The following CNN3 variants were observed in gnomAD, a reference collection of about 807,000 sequenced individuals.
The protein encoded by CNN3 is calponin-3.
Under a neutral mutation model 39.0 loss-of-function variants are expected in CNN3, and 11 were observed. That is an observed-to-expected ratio of 0.28 (90% CI 0.18 to 0.47). The LOEUF is 0.47. Among genes scored for constraint, CNN3 ranks in the 20% least tolerant of loss-of-function variants. The pLI, the probability that CNN3 is intolerant of heterozygous loss-of-function variation, is 0.99. For synonymous variants in CNN3, 101 were observed against 138.3 expected (o/e 0.73, Z 1.89); for missense variants, 266 against 403.4 (o/e 0.66, Z 2.92).
At chr1:94,898,208 G>T in intron 6 of CNN3, 125 bp from the exon 7 acceptor site, 1 of 1,003,756 alleles carries the variant, frequency 1.0e-6, no homozygotes, top group Admixed American at 2.8e-5. Context: ...TTGGTTCAGG[G>T]GTAAAGCTAG....
chr1:94,910,705 T>C (rs1180096750), intron 1 of CNN3, among the ~76,000 whole-genome samples: 1 of 152,198 alleles, frequency 6.6e-6, no homozygotes, highest in African/African-American at 2.4e-5. Flanking sequence ...TTCTTGTGGG[T>C]AGACTCCTTC....
intron 1 of CNN3, chr1:94,925,856 G>A (rs768981299): frequency 1.1e-4 from 107 of 979,538 alleles, no homozygotes; most frequent in Non-Finnish European, 1.2e-4. Flanking sequence ...GCACAGTTCC[G>A]CGCCGATTGG....
At chr1:94,915,617 C>T in intron 1 of CNN3, among the ~76,000 whole-genome samples, 1 of 152,160 alleles carries the variant, frequency 6.6e-6, no homozygotes, top group African/African-American at 2.4e-5. Flanking sequence ...GGAGATAATA[C>T]AGTAAAGGCT....
intron 1 of CNN3, among the ~76,000 whole-genome samples, chr1:94,917,687 G>T (rs1557914870): frequency 2.0e-5 from 3 of 152,210 alleles, no homozygotes; most frequent in Admixed American, 6.5e-5. Context: ...TGAATAATCA[G>T]TGGAAATCCA....
chr1:94,911,999 G>A (rs1204883737), intron 1 of CNN3, among the ~76,000 whole-genome samples: 1 of 152,108 alleles, frequency 6.6e-6, no homozygotes, highest in East Asian at 1.9e-4. Context: ...CTGGGAGGCG[G>A]AGGTTGCAGT....
chr1:94,914,276 T>C (rs892083813), intron 1 of CNN3, among the ~76,000 whole-genome samples: 1 of 152,188 alleles, frequency 6.6e-6, no homozygotes, highest in Non-Finnish European at 1.5e-5. Context: ...TTTGCAACTT[T>C]TCTGTAGTTT....
intron 5 of CNN3, 146 bp downstream of exon 5, chr1:94,901,523 T>TATAA: frequency 1.9e-6 from 1 of 523,602 alleles, no homozygotes; most frequent in Admixed American, 3.7e-5. Context: ...TTATGGGCTT[T>TATAA]ATAAATAGAT....
chr1:94,921,325 G>A (rs1056584083), intron 1 of CNN3, among the ~76,000 whole-genome samples: 1 of 152,086 alleles, frequency 6.6e-6, no homozygotes, highest in Admixed American at 6.6e-5. Context: ...AACCTGGGAG[G>A]TGGAGGTTGC....
chr1:94,922,460 T>G (rs1671471343), intron 1 of CNN3, among the ~76,000 whole-genome samples: 1 of 152,214 alleles, frequency 6.6e-6, no homozygotes, highest in Non-Finnish European at 1.5e-5. Flanking sequence ...TATTGTAAAA[T>G]ATCGATCTTG....
At position 94,926,305 on chromosome 1, in the gene CNN3, C is replaced by T. The variant is rs535826496; in HGVS notation, c.57+533G>A. On this transcript the variant is annotated intron_variant, in intron 1 of 6. Coordinates refer to ENST00000370206, the MANE Select transcript of CNN3 (RefSeq NM_001839.5). The surrounding 1 kb of genome is among the most constrained non-coding windows in gnomAD (Gnocchi z 4.2). Reference sequence around the variant, plus strand: ...ACCGAGATCGGAGACTGTGATGGGTCCCGGACCGGCTTCCGTTCCTCGGGG... The same window carrying T: ...ACCGAGATCGGAGACTGTGATGGGTTCCGGACCGGCTTCCGTTCCTCGGGG... Among the ~76,000 whole-genome samples, 2 of 152,172 alleles carry T rather than the reference C, an allele frequency of 1.3e-5. No homozygotes were observed. The highest frequency in any genetic ancestry group is 2.9e-5 in the Non-Finnish European group (2 of 68,042).
At chr1:94,924,539 C>G (rs1022958899) in intron 1 of CNN3, 4 of 152,550 alleles carry the variant, frequency 2.6e-5, no homozygotes, top group African/African-American at 9.6e-5. Flanking sequence ...AGGAGAATCA[C>G]TTGAACCTGG....
intron 1 of CNN3, chr1:94,925,954 C>T (rs922201440): frequency 2.6e-6 from 1 of 384,420 alleles, no homozygotes; most frequent in Non-Finnish European, 3.6e-6. Flanking sequence ...GAGGGGGACG[C>T]CTCTCATCTC....
intron 1 of CNN3, among the ~76,000 whole-genome samples, chr1:94,908,116 CGAG>C (rs1311350644): frequency 6.6e-6 from 1 of 152,078 alleles, no homozygotes; most frequent in African/African-American, 2.4e-5. Context: ...ATCCAGAGAC[CGAG>C]GAGAATACTG....
At chr1:94,899,892 G>A (rs1670819160) in intron 5 of CNN3, among the ~76,000 whole-genome samples, 1 of 152,214 alleles carries the variant, frequency 6.6e-6, no homozygotes, top group African/African-American at 2.4e-5. Flanking sequence ...GCAATATGCT[G>A]TTCTACTCCA....
intron 1 of CNN3, among the ~76,000 whole-genome samples, chr1:94,917,098 G>A (rs901652769): frequency 6.6e-5 from 10 of 152,108 alleles, no homozygotes; most frequent in East Asian, 1.9e-4. Context: ...TTGCAATGGC[G>A]CGATCTTGGC....
rs757945193 is a variant in CNN3, at chr1:94,901,769, A to C, written c.401T>G (p.Phe134Cys). ...AACTCCAATGTCAATGGTTGTATGG[A>C]ATCCTTTTGTTTTAGCCTAGACAGA... ...ALAGLAKTKGFHTTIDIGVKY... is the reference protein window; with the variant it reads ...ALAGLAKTKGCHTTIDIGVKY... The change falls in exon 5 of 7, where the codon TTC (phenylalanine) becomes TGC (cysteine). Residue 134 changes from phenylalanine (F) to cysteine (C), a missense_variant. Transcript: ENST00000370206. 3.1e-6 allele frequency: 5 copies of C among 1,613,374 alleles called. No homozygotes were observed. The South Asian group carries it at 5.5e-5, about 18-fold the overall frequency.
At chr1:94,909,168 AATGATATACAAGT>A (rs1462704966) in intron 1 of CNN3, among the ~76,000 whole-genome samples, 3 of 152,066 alleles carry the variant, frequency 2.0e-5, no homozygotes, top group Non-Finnish European at 4.4e-5. Context: ...TAAACAAATA[AATGATATACAAGT>A]ATGTAGCGCA....
chr1:94,909,995 C>T (rs1426317356), intron 1 of CNN3, among the ~76,000 whole-genome samples: 1 of 152,148 alleles, frequency 6.6e-6, no homozygotes, highest in Admixed American at 6.5e-5. Flanking sequence ...TTGTTTTTCA[C>T]ATGGATTCCT....
chr1:94,903,357 A>G (rs761248266), intron 2 of CNN3, 46 bp downstream of exon 2: 29 of 1,549,920 alleles, frequency 1.9e-5, no homozygotes, highest in Non-Finnish European at 2.3e-5. Flanking sequence ...AAGGCTGTGG[A>G]AAGAACTGGA....
Sources: allele counts gnomAD v4.1 joint callset (sites outside exome capture counted in the v4.1 genomes callset), GRCh38; gene constraint gnomAD v4.1.1; non-coding constraint Gnocchi (gnomAD v3.1); transcripts MANE v1.5; gene names NCBI Gene and HGNC (gene_info 2026-07-23, HGNC 2026-07-21).